STARD13: variants seen among roughly 807,000 people sequenced by gnomAD.
The protein encoded by STARD13 is stAR-related lipid transfer protein 13.
A neutral mutation model predicts 106.4 loss-of-function variants in STARD13; 62 were observed. That is an observed-to-expected ratio of 0.58 (90% CI 0.48 to 0.72). STARD13 has a LOEUF of 0.72. Among genes scored for constraint, STARD13 ranks in the 30% least tolerant of loss-of-function variants. The pLI, the probability that STARD13 is intolerant of heterozygous loss-of-function variation, is 0.00. For synonymous variants in STARD13, 565 were observed against 553.0 expected (o/e 1.02, Z -0.31); for missense variants, 1,387 against 1,424.0 (o/e 0.97, Z 0.42).
intron 1 of STARD13, among the ~76,000 whole-genome samples, chr13:33,339,035 T>C (rs1435644581): frequency 6.6e-6 from 1 of 152,180 alleles, no homozygotes; most frequent in Non-Finnish European, 1.5e-5. Flanking sequence ...CTTATATGTA[T>C]GTTGTCTTCA....
At chr13:33,669,273 T>G in the STARD13 span, among the ~76,000 whole-genome samples, 2 of 152,136 alleles carry the variant, frequency 1.3e-5, no homozygotes, top group African/African-American at 2.4e-5. Context: ...AAAAAAGGAA[T>G]GCAGAAACCT....
the STARD13 span, among the ~76,000 whole-genome samples, chr13:33,471,947 T>C: frequency 1.3e-5 from 2 of 152,226 alleles, no homozygotes; most frequent in Admixed American, 6.5e-5. Flanking sequence ...CAGAGACAGA[T>C]ATGGCATCTA....
At chr13:33,289,671 T>C (rs1892210456), upstream of STARD13, among the ~76,000 whole-genome samples, 1 of 152,128 alleles carries the variant, frequency 6.6e-6, no homozygotes. Context: ...CCTATTTAAC[T>C]GCCTGCGATA....
chr13:33,610,157 A>G, the STARD13 span, among the ~76,000 whole-genome samples: 1 of 152,236 alleles, frequency 6.6e-6, no homozygotes, highest in Non-Finnish European at 1.5e-5. Context: ...ACATAAATTT[A>G]AAAACCATGC....
At chr13:33,461,468 C>G in the STARD13 span, among the ~76,000 whole-genome samples, 1 of 152,098 alleles carries the variant, frequency 6.6e-6, no homozygotes, top group East Asian at 1.9e-4. Flanking sequence ...AGGAGGAAAC[C>G]TAGACTCAGA....
intron 1 of STARD13, among the ~76,000 whole-genome samples, chr13:33,174,718 A>G (rs902869954): frequency 6.6e-6 from 1 of 152,230 alleles, no homozygotes; most frequent in African/African-American, 2.4e-5. Context: ...AATGTAACAC[A>G]GCTGCCAGCT....
At chr13:33,153,814 C>T (rs981156798) in intron 3 of STARD13, among the ~76,000 whole-genome samples, 3 of 152,216 alleles carry the variant, frequency 2.0e-5, no homozygotes, top group Non-Finnish European at 4.4e-5. Context: ...CTCTTACAGA[C>T]AATTCTGATT....
At position 33,299,852 on chromosome 13, in the gene STARD13, A is replaced by C. The variant is rs532797528; in HGVS notation, c.124+50438T>G. ...CATCTCTGTCGTAATAAAGCTTAAG[A>C]TTTAACCAATGAACACAGTAACTTG... On this transcript the variant is annotated intron_variant, in intron 1 of 5. Coordinates refer to the STARD13 transcript ENST00000567873. 2.6e-5 allele frequency among the ~76,000 whole-genome samples: 4 copies of C among 152,330 alleles called. No individual in the cohort carries two copies. The East Asian group carries it at 7.7e-4, about 29-fold the overall frequency.
upstream of STARD13, among the ~76,000 whole-genome samples, chr13:33,290,211 A>G (rs1328676755): frequency 6.6e-6 from 1 of 152,100 alleles, no homozygotes; most frequent in Non-Finnish European, 1.5e-5. Flanking sequence ...CAGCCTCCTC[A>G]TCAGTCTGTT....
At chr13:33,507,618 C>T in the STARD13 span, among the ~76,000 whole-genome samples, 1 of 152,232 alleles carries the variant, frequency 6.6e-6, no homozygotes. Context: ...GTTAGGGGTG[C>T]TGACCCCCAA....
the STARD13 span, among the ~76,000 whole-genome samples, chr13:33,409,919 C>T: frequency 6.6e-6 from 1 of 152,234 alleles, no homozygotes; most frequent in Non-Finnish European, 1.5e-5. Flanking sequence ...TCAGCCTTTA[C>T]AGTCACAGCT....
the STARD13 span, among the ~76,000 whole-genome samples, chr13:33,542,785 C>T: frequency 6.6e-6 from 1 of 152,242 alleles, no homozygotes; most frequent in African/African-American, 2.4e-5. Flanking sequence ...ACGCCTCTTC[C>T]CGTCTCCCCA....
chr13:33,266,568 A>C (rs1219799838), intron 1 of STARD13, among the ~76,000 whole-genome samples: 3 of 152,186 alleles, frequency 2.0e-5, no homozygotes, highest in African/African-American at 7.2e-5. Flanking sequence ...ACTACATTCT[A>C]AATTGCTCAA....
chr13:33,467,040 G>T, the STARD13 span, among the ~76,000 whole-genome samples: 1 of 151,842 alleles, frequency 6.6e-6, no homozygotes, highest in Admixed American at 6.6e-5. Flanking sequence ...CACAGTGGGG[G>T]TTGAGGGGGT....
chr13:33,555,472 T>A, the STARD13 span, among the ~76,000 whole-genome samples: 1 of 152,314 alleles, frequency 6.6e-6, no homozygotes, highest in East Asian at 1.9e-4. Flanking sequence ...CTGAAATTAT[T>A]TTGTAATTGG....
At chr13:33,470,521 C>A in the STARD13 span, among the ~76,000 whole-genome samples, 1 of 152,220 alleles carries the variant, frequency 6.6e-6, no homozygotes, top group Admixed American at 6.5e-5. Context: ...AATGGTTGAA[C>A]TAATTTACAC....
chr13:33,603,277 C>T, the STARD13 span, among the ~76,000 whole-genome samples: 1 of 152,174 alleles, frequency 6.6e-6, no homozygotes, highest in Non-Finnish European at 1.5e-5. Flanking sequence ...AGTGATCTCC[C>T]ATTTCCTCCA....
intron 4 of STARD13, among the ~76,000 whole-genome samples, chr13:33,140,647 A>G (rs1879689280): frequency 2.0e-5 from 3 of 152,114 alleles, no homozygotes; most frequent in Admixed American, 2.0e-4. Flanking sequence ...GTGTTATTTT[A>G]CAGCAGAAAT....
chr13:33,362,280 C>T, the STARD13 span, among the ~76,000 whole-genome samples: 1 of 152,046 alleles, frequency 6.6e-6, no homozygotes, highest in Non-Finnish European at 1.5e-5. Context: ...GGACAACCAG[C>T]GCTTGTGTGA....
Sources: allele counts gnomAD v4.1 joint callset (sites outside exome capture counted in the v4.1 genomes callset), GRCh38; gene constraint gnomAD v4.1.1; transcripts MANE v1.5; gene names NCBI Gene and HGNC (gene_info 2026-07-23, HGNC 2026-07-21).